Variants in GLIS3 observed in about 807,000 individuals in gnomAD.
The protein encoded by GLIS3 is GLIS family zinc finger 3.
In GLIS3, 53 loss-of-function variants were observed where a neutral mutation model predicts 78.6. The observed-to-expected ratio is 0.67, with a 90% confidence interval of 0.54 to 0.85. The LOEUF (loss-of-function observed/expected upper bound fraction) is 0.85. Ranked by LOEUF, GLIS3 falls within the 40% of genes least tolerant of loss-of-function variation. The pLI, the probability that GLIS3 is intolerant of heterozygous loss-of-function variation, is 0.00. For synonymous variants in GLIS3, 684 were observed against 509.9 expected (o/e 1.34, Z -4.60); for missense variants, 1,703 against 1,231.1 (o/e 1.38, Z -5.74).
chr9:4,451,859 G>A, the GLIS3 span, among the ~76,000 whole-genome samples: 1 of 151,632 alleles, frequency 6.6e-6, no homozygotes, highest in Admixed American at 6.6e-5. Flanking sequence ...TGTGTATACA[G>A]GGAAATTTAT....
intron 4 of GLIS3, among the ~76,000 whole-genome samples, chr9:3,993,785 C>T (rs1249207894): frequency 3.9e-5 from 6 of 152,196 alleles, no homozygotes; most frequent in East Asian, 1.9e-4. Flanking sequence ...TGGCCTACTG[C>T]TAGATTACTA....
chr9:4,451,781 G>A, the GLIS3 span, among the ~76,000 whole-genome samples: 1 of 152,024 alleles, frequency 6.6e-6, no homozygotes, highest in Non-Finnish European at 1.5e-5. Context: ...CAGAAATAAA[G>A]ATGTTCTTTG....
chr9:4,244,281 G>A (rs1036400905), intron 2 of GLIS3, among the ~76,000 whole-genome samples: 6 of 152,212 alleles, frequency 3.9e-5, no homozygotes, highest in African/African-American at 1.4e-4. Flanking sequence ...CACTTGGCTA[G>A]GAAGTTACTT....
intron 2 of GLIS3, among the ~76,000 whole-genome samples, chr9:4,238,221 G>A (rs1375760542): frequency 6.6e-6 from 1 of 152,178 alleles, no homozygotes; most frequent in Non-Finnish European, 1.5e-5. Flanking sequence ...AAACAATGTG[G>A]CTAAAAGGAA....
intron 4 of GLIS3, among the ~76,000 whole-genome samples, chr9:4,003,729 C>T (rs1412347540): frequency 1.3e-5 from 2 of 152,192 alleles, no homozygotes; most frequent in Non-Finnish European, 2.9e-5. Flanking sequence ...GCTGGAGAAT[C>T]CACATAATAA....
intron 2 of GLIS3, among the ~76,000 whole-genome samples, chr9:4,264,758 T>A (rs1411550438): frequency 6.6e-6 from 1 of 152,118 alleles, no homozygotes; most frequent in African/African-American, 2.4e-5. Context: ...CCCCAAGAAA[T>A]TACATCATAG....
chr9:4,003,937 T>C (rs1821330448), intron 4 of GLIS3, among the ~76,000 whole-genome samples: 1 of 152,240 alleles, frequency 6.6e-6, no homozygotes. Flanking sequence ...AAAAGGGCTT[T>C]TTCATTAGTA....
At chr9:4,199,462 A>G (rs1409130306) in intron 2 of GLIS3, among the ~76,000 whole-genome samples, 3 of 148,622 alleles carry the variant, frequency 2.0e-5, no homozygotes, top group Non-Finnish European at 4.5e-5. Flanking sequence ...TAAGTTATAT[A>G]TAAGTTTATA....
chr9:4,399,969 G>T, the GLIS3 span, among the ~76,000 whole-genome samples: 2 of 152,196 alleles, frequency 1.3e-5, no homozygotes, highest in East Asian at 3.9e-4. Flanking sequence ...GAAATAGGAG[G>T]TGGGAGTGGG....
At chr9:4,003,807 C>T (rs1588432976) in intron 4 of GLIS3, among the ~76,000 whole-genome samples, 1 of 152,306 alleles carries the variant, frequency 6.6e-6, no homozygotes, top group African/African-American at 2.4e-5. Context: ...TGAAGACAGA[C>T]GCTTACTCTT....
chr9:4,226,584 T>C (rs1821787332), intron 2 of GLIS3, among the ~76,000 whole-genome samples: 1 of 152,146 alleles, frequency 6.6e-6, no homozygotes, highest in Non-Finnish European at 1.5e-5. Flanking sequence ...AAGAAAATGA[T>C]ATGGCTTCCT....
the GLIS3 span, among the ~76,000 whole-genome samples, chr9:4,483,555 T>C: frequency 6.6e-6 from 1 of 151,854 alleles, no homozygotes; most frequent in South Asian, 2.1e-4. Flanking sequence ...CCATCTCTAC[T>C]AAAAATTCAA....
chr9:4,038,776 T>C (rs1824546865), intron 4 of GLIS3, among the ~76,000 whole-genome samples: 1 of 152,188 alleles, frequency 6.6e-6, no homozygotes, highest in South Asian at 2.1e-4. Context: ...GCTTCCTTAA[T>C]CCTGATTTCT....
chr9:4,487,259 G>C, the GLIS3 span, among the ~76,000 whole-genome samples: 1 of 152,210 alleles, frequency 6.6e-6, no homozygotes, highest in East Asian at 1.9e-4. Flanking sequence ...GTTAATGACA[G>C]GCAGGTGTTA....
chr9:4,310,758 G>T (rs1817337858), intron 2 of GLIS3, among the ~76,000 whole-genome samples: 1 of 152,090 alleles, frequency 6.6e-6, no homozygotes, highest in Admixed American at 6.5e-5. Context: ...AGGATTTTTT[G>T]GGAAGGTGAT....
At chr9:3,867,753 G>GCA (rs1820692929) in intron 8 of GLIS3, among the ~76,000 whole-genome samples, 1 of 138,892 alleles carries the variant, frequency 7.2e-6, no homozygotes. Context: ...GTGTGTGTGT[G>GCA]TGAGTGCATG....
intron 4 of GLIS3, among the ~76,000 whole-genome samples, chr9:4,040,648 TG>T (rs1034462953): frequency 6.6e-6 from 1 of 152,172 alleles, no homozygotes; most frequent in Non-Finnish European, 1.5e-5. Flanking sequence ...ACTATTAATG[TG>T]GACGATAAAG....
chr9:3,917,380 G>C (rs1046057486), intron 6 of GLIS3, among the ~76,000 whole-genome samples: 26 of 152,284 alleles, frequency 1.7e-4, no homozygotes, highest in African/African-American at 6.3e-4. Flanking sequence ...GGGTGACATT[G>C]ACAAGTGAGC....
At chr9:4,484,720 G>C in the GLIS3 span, among the ~76,000 whole-genome samples, 5 of 151,822 alleles carry the variant, frequency 3.3e-5, no homozygotes, top group Non-Finnish European at 5.9e-5. Context: ...CCCAGTGTAG[G>C]CCAAACTAAC....
Sources: gnomAD v4.1 joint callset for allele counts (sites outside exome capture counted in the v4.1 genomes callset) on GRCh38, gnomAD v4.1.1 for gene constraint, MANE v1.5 for transcripts, NCBI Gene and HGNC (gene_info 2026-07-23, HGNC 2026-07-21) for gene names.